The following CPT1C variants were observed in gnomAD, a reference collection of about 807,000 sequenced individuals.
CPT1C encodes carnitine palmitoyltransferase 1C, also known as palmitoyl thioesterase CPT1C.
CPT1C carries 61 observed loss-of-function variants against 97.3 expected under a neutral mutation model. The observed-to-expected ratio is 0.63, with a 90% CI of 0.51 to 0.78. The LOEUF (loss-of-function observed/expected upper bound fraction) is 0.78, where lower values mean the gene tolerates loss of function less well. Among genes scored for constraint, CPT1C ranks in the 30% least tolerant of loss-of-function variants. The pLI, the probability that CPT1C is intolerant of heterozygous loss-of-function variation, is 0.00. For synonymous variants in CPT1C, 469 were observed against 447.2 expected, an observed-to-expected ratio of 1.05 and a Z score of -0.61; for missense variants, 975 against 1,065.5, an observed-to-expected ratio of 0.92 and a Z score of 1.18.
rs1341198369 is a variant in CPT1C, at chr19:49,712,819, CTA to C, written c.2105_2106del (p.Tyr702CysfsTer11). Reference protein sequence around the residue: ...HLFDVHNYPDYVSSGGGFGPA... With the variant: ...HLFDVHNYPDXVSSGGGFGPA... ...TGTTTGACGTCCACAATTACCCGGA[CTA>C]TGTTTCCTCAGGCGGTGGATTCGGG... On this transcript the variant is annotated frameshift_variant, in exon 18 of 20. Coordinates refer to ENST00000598293, the MANE Select transcript of CPT1C (RefSeq NM_001199753.2). LOFTEE classifies it high-confidence loss of function. 1.2e-6 allele frequency: 2 copies of C among 1,612,388 alleles called. No homozygotes were observed. The highest frequency in any genetic ancestry group is 1.3e-5 in the African/African-American group (1 of 74,324).
rs1489069911 is a variant in CPT1C, at chr19:49,701,373, C to T, written c.510C>T (p.Ser170=). 3 of 1,613,526 alleles carry T rather than the reference C, an allele frequency of 1.9e-6. No homozygotes were observed. The highest frequency in any genetic ancestry group is 1.7e-5 in the Admixed American group (1 of 59,960). ...CGATGCTGTTCAGTTACCAGCGCTC[C>T]CTGCCACGCCAGCCCGTGCCCTCTG... ...RHPMLFSYQR[S]LPRQPVPSVQ... is the part of the protein sequence containing the mutation. The change falls in exon 6 of 20, where the codon TCC becomes TCT. Residue 170 remains serine, a synonymous_variant. Transcript: ENST00000598293.
intron 3 of CPT1C, among the ~76,000 whole-genome samples, chr19:49,695,584 C>CTTTTT (rs71180646): frequency 1.1e-5 from 1 of 93,184 alleles, no homozygotes; most frequent in South Asian, 3.9e-4. Context: ...TGCACCTGGC[C>CTTTTT]TTTTTTTTTT....
chr19:49,698,829 G>A (rs1371376632), intron 4 of CPT1C, among the ~76,000 whole-genome samples: 1 of 151,268 alleles, frequency 6.6e-6, no homozygotes, highest in Non-Finnish European at 1.5e-5. Context: ...TCGGCGGGAT[G>A]TGGTGACTCA....
At position 49,706,362 on chromosome 19, in the gene CPT1C, C is replaced by T. The variant is rs776700182; in HGVS notation, c.1292C>T (p.Ala431Val). The T allele has an allele frequency of 4.0e-5, 61 of 1,509,096 alleles. No homozygotes were observed. The Admixed American group carries it at 6.6e-4, about 16-fold the overall frequency. The allele number at this position is 1,509,096 out of a possible 1,614,324, so 93.5% of individuals were successfully genotyped here. ...GGGCTCACCAGGGAGGACCCGGCAG[C>T]GTCGTTGGATGCCTACGCCCATGCT... is the stretch of plus-strand genomic sequence containing the variant. ...PAGLTREDPA[A>V]SLDAYAHALL... Residue 431 changes from alanine (A) to valine (V), a missense_variant, in exon 12 of 20, where the codon GCG (alanine) becomes GTG (valine). By Grantham distance (64) the Ala-to-Val change is moderately conservative. This residue lies in a region of CPT1C where 596 missense variants were observed against 603.1 expected (regional missense o/e 0.99). Coordinates refer to ENST00000598293, the MANE Select transcript of CPT1C (RefSeq NM_001199753.2). The surrounding 1 kb of genome is among the most constrained non-coding windows in gnomAD (Gnocchi z 4.8).
In CPT1C at chr19:49,706,562, C is replaced by G; in HGVS notation, c.1343+149C>G. ...GCTGCATAGAGCTGAGGACCCCAGA[C>G]CCAGTGCTTTGGGACCTGGAGACCT... On this transcript the variant is annotated intron_variant, in intron 12 of 19. Coordinates refer to ENST00000598293, the MANE Select transcript of CPT1C (RefSeq NM_001199753.2). This position sits in a 1 kb window ranked among gnomAD's most constrained non-coding sequence, Gnocchi z 4.8. 1 of 675,532 alleles carries G rather than the reference C, an allele frequency of 1.5e-6. No homozygotes were observed. Among genetic ancestry groups the G allele is most frequent in the Non-Finnish European group, 2.1e-6 (1 of 468,112 alleles). 41.8% of individuals were successfully genotyped at this position (675,532 alleles called of 1,614,324 possible).
rs1265478411 is a variant in CPT1C, at chr19:49,705,133, G to A, written c.879+19G>A. The A allele has an allele frequency of 1.2e-6, 2 of 1,613,450 alleles. No homozygotes were observed. Among genetic ancestry groups the A allele is most frequent in the East Asian group, 2.2e-5 (1 of 44,888 alleles). The stretch of plus-strand genomic sequence containing the variant: ...ACCCCCGGTGAGAGGGCCCCAGTGG[G>A]TTAGGGATGGAGGTGTGGTCCTGTG... On this transcript the variant is annotated intron_variant, in intron 9 of 19. Coordinates refer to ENST00000598293, the MANE Select transcript of CPT1C (RefSeq NM_001199753.2).
At chr19:49,696,502 C>A (rs1345944790) in intron 3 of CPT1C, 1 of 150,004 alleles carries the variant, frequency 6.7e-6, no homozygotes, top group Non-Finnish European at 1.5e-5. Context: ...ACTTTGTTAC[C>A]CAGGCTGGAG....
At chr19:49,693,951 A>G (rs777858895) in intron 3 of CPT1C, among the ~76,000 whole-genome samples, 70 of 151,970 alleles carry the variant, frequency 4.6e-4, no homozygotes, top group Non-Finnish European at 8.4e-4. Context: ...TGTAGTTCCA[A>G]TTACTCAGGA....
chr19:49,691,870 G>T lies in CPT1C; in HGVS notation c.-34G>T. 1 of 193,476 alleles carries T rather than the reference G, an allele frequency of 5.2e-6. No homozygotes were observed. The highest frequency in any genetic ancestry group is 1.1e-5 in the Non-Finnish European group (1 of 93,618). 12.0% of individuals were successfully genotyped at this position (193,476 alleles called of 1,614,324 possible). A position where few individuals can be genotyped will look rare whatever the true frequency, so the allele number is the denominator to read the frequency against. ...TCAAAACCTCCGGGTCTACAAACCA[G>T]GACCCTCAAGACCCTTCAGGTGCTT... On this transcript the variant is annotated 5_prime_UTR_variant, in exon 2 of 20. In the 5' UTR this introduces an upstream ATG that the reference lacks. Coordinates refer to ENST00000598293, the MANE Select transcript of CPT1C (RefSeq NM_001199753.2).
At position 49,706,954 on chromosome 19, in the gene CPT1C, A is replaced by C. The variant is rs2083534462; in HGVS notation, c.1343+541A>C. ...CTCCCAGCACCCCCAAAAGCCTTGA[A>C]CCTTCCTCGGCAAGTTTCCTAAAAA... On this transcript the variant is annotated intron_variant, in intron 12 of 19. Coordinates refer to ENST00000598293, the MANE Select transcript of CPT1C (RefSeq NM_001199753.2). This position sits in a 1 kb window ranked among gnomAD's most constrained non-coding sequence, Gnocchi z 4.8. Among the ~76,000 whole-genome samples the C allele has an allele frequency of 6.6e-6, 1 of 151,972 alleles. No individual in the cohort carries two copies. The highest frequency in any genetic ancestry group is 2.4e-5 in the African/African-American group (1 of 41,376).
rs1200905355 is a variant in CPT1C at position 49,705,925 on chromosome 19, C to T, written c.981C>T (p.Leu327=). The T allele has an allele frequency of 2.5e-6, 4 of 1,613,650 alleles. No individual in the cohort carries two copies. Among genetic ancestry groups the T allele is most frequent in the African/African-American group, 1.3e-5 (1 of 74,904 alleles). Reference sequence around the variant, plus strand: ...CACCCCTAGACTACATCCGCCACCTCCATGACAGCCAACACGTGGCTGTCT... The same window carrying T: ...CACCCCTAGACTACATCCGCCACCTTCATGACAGCCAACACGTGGCTGTCT... ...PGVQKDYIRH[L]HDSQHVAVFH... is the part of the protein sequence containing the mutation. The change falls in exon 11 of 20, where the codon CTC becomes CTT. Residue 327 remains leucine, a synonymous_variant. Transcript: ENST00000598293.
chr19:49,694,261 A>C (rs2082530440), intron 3 of CPT1C, among the ~76,000 whole-genome samples: 1 of 152,094 alleles, frequency 6.6e-6, no homozygotes, highest in Non-Finnish European at 1.5e-5. Context: ...GTGTCATCTG[A>C]TATTGATGGT....
Position 49,711,959 on chromosome 19 carries a change from C to T in CPT1C, c.2017C>T (p.Gln673Ter). The T allele has an allele frequency of 1.2e-6, 2 of 1,613,626 alleles. No individual in the cohort carries two copies. The highest frequency in any genetic ancestry group is 1.7e-6 in the Non-Finnish European group (2 of 1,179,702). ...CCACCTGCAGTCGCCCTTCCTGACC[C>T]AGGTTGGGGCACAGGGAAAGGGTTA... ...FLHLQSPFLT[Q>*]VHSEQWQLST... The change falls in exon 17 of 20, where the codon CAG (glutamine) becomes TAG (stop). Residue 673 changes from glutamine (Q) to a stop codon, truncating the protein, a stop_gained and splice_region_variant. Transcript: ENST00000598293. LOFTEE classifies it high-confidence loss of function.
intron 7 of CPT1C, among the ~76,000 whole-genome samples, chr19:49,703,600 CCTT>C: frequency 2.6e-5 from 3 of 116,140 alleles, no homozygotes; most frequent in Admixed American, 9.7e-5. Flanking sequence ...TCCCTCCCTT[CCTT>C]CCTTCCTTCC....
upstream of CPT1C, chr19:49,690,945 T>G: frequency 6.4e-6 from 1 of 155,266 alleles, no homozygotes; most frequent in African/African-American, 2.4e-5. This position sits in a 1 kb window ranked among gnomAD's most constrained non-coding sequence, Gnocchi z 4.4. Context: ...GGAACCCGGG[T>G]TCCGAACAGC....
In CPT1C at chr19:49,710,458, A is replaced by T; in HGVS notation, c.1705A>T (p.Ile569Phe). 1.2e-6 allele frequency: 2 copies of T among 1,614,036 alleles called. No homozygotes were observed. Among genetic ancestry groups the T allele is most frequent in the Non-Finnish European group, 1.7e-6 (2 of 1,180,022 alleles). Reference sequence around the variant, plus strand: ...CCTCTCTTCAGACAGCTTCATCCAGATCGCCTTGCAACTGGCCCACTTCCG... The same window carrying T: ...CCTCTCTTCAGACAGCTTCATCCAGTTCGCCTTGCAACTGGCCCACTTCCG... The part of the protein sequence containing the change: ...CHLSSDSFIQ[I>F]ALQLAHFRDR... The change falls in exon 15 of 20, where the codon ATC (isoleucine) becomes TTC (phenylalanine). Residue 569 changes from isoleucine (I) to phenylalanine (F), a missense_variant. Transcript: ENST00000598293.
chr19:49,706,251 G>C lies in CPT1C; in HGVS notation c.1181G>C (p.Arg394Pro). The C allele has an allele frequency of 1.3e-6, 2 of 1,540,472 alleles. No individual in the cohort carries two copies. The highest frequency in any genetic ancestry group is 1.7e-6 in the Non-Finnish European group (2 of 1,146,300). The change falls in exon 12 of 20, where the codon CGG becomes CCG. Residue 394 changes from arginine (R) to proline (P), a missense_variant. Arg to Pro is a moderately radical substitution (Grantham distance 103). Transcript: ENST00000598293. The surrounding 1 kb of genome is among the most constrained non-coding windows in gnomAD (Gnocchi z 4.8). ...AAPRGTWAQV[R>P]TSLKTQAAEA... is the part of the protein sequence containing the mutation. Reference sequence around the variant, plus strand: ...TCCAGGGGCACGTGGGCCCAGGTGCGGACATCCCTGAAGACCCAGGCAGCG... The same window carrying C: ...TCCAGGGGCACGTGGGCCCAGGTGCCGACATCCCTGAAGACCCAGGCAGCG...
At chr19:49,698,186 G>A (rs2082778739) in intron 4 of CPT1C, among the ~76,000 whole-genome samples, 1 of 151,744 alleles carries the variant, frequency 6.6e-6, no homozygotes, top group South Asian at 2.1e-4. Flanking sequence ...GCAACATGGT[G>A]AAACCCCGTC....
chr19:49,695,020 A>T (rs2082583002), intron 3 of CPT1C, among the ~76,000 whole-genome samples: 1 of 151,896 alleles, frequency 6.6e-6, no homozygotes, highest in Non-Finnish European at 1.5e-5. Flanking sequence ...AGTCACCTGT[A>T]GTCCCAGCTA....
Sources: allele counts gnomAD v4.1 joint callset (sites outside exome capture counted in the v4.1 genomes callset), GRCh38; gene constraint gnomAD v4.1.1; regional missense constraint gnomAD v4.1.1; non-coding constraint Gnocchi (gnomAD v3.1); transcripts MANE v1.5; gene names NCBI Gene and HGNC (gene_info 2026-07-23, HGNC 2026-07-21).